The following SLC16A10 variants were observed in gnomAD, a reference collection of about 807,000 sequenced individuals.
The protein encoded by SLC16A10 is monocarboxylate transporter 10.
A neutral mutation model predicts 40.0 loss-of-function variants in SLC16A10; 27 were observed. The observed-to-expected ratio is 0.67, with a 90% confidence interval of 0.50 to 0.93. The LOEUF (loss-of-function observed/expected upper bound fraction) is 0.93. Ranked by LOEUF, SLC16A10 falls within the 40% of genes least tolerant of loss-of-function variation. The pLI, the probability that SLC16A10 is intolerant of heterozygous loss-of-function variation, is 0.00. For synonymous variants in SLC16A10, 213 were observed against 249.8 expected (o/e 0.85, Z 1.39); for missense variants, 529 against 658.2 (o/e 0.80, Z 2.15).
In SLC16A10 at chr6:111,192,748, A is replaced by T. The variant is rs188700671; in HGVS notation, c.943-13844A>T. ...GAGGAGGAGCAAAACCATGTCTTAC[A>T]CGGCAGGAGGCAAGAGTGTGCATGC... is the stretch of plus-strand genomic sequence containing the variant. On this transcript the variant is annotated intron_variant, in intron 3 of 5. Coordinates refer to ENST00000368851, the MANE Select transcript of SLC16A10 (RefSeq NM_018593.5). Among the ~76,000 whole-genome samples, 49 of 152,324 alleles carry T rather than the reference A, an allele frequency of 3.2e-4. 1 individual carries two copies. The highest frequency in any genetic ancestry group is 1.2e-3 in the African/African-American group (48 of 41,584).
chr6:111,207,211 T>C (rs767647763), intron 4 of SLC16A10, among the ~76,000 whole-genome samples: 14 of 152,244 alleles, frequency 9.2e-5, no homozygotes, highest in Non-Finnish European at 1.5e-4. Flanking sequence ...AAATTGGCAA[T>C]GAAACAACAA....
At chr6:111,197,719 CG>C (rs916726801) in intron 3 of SLC16A10, among the ~76,000 whole-genome samples, 7 of 151,858 alleles carry the variant, frequency 4.6e-5, no homozygotes, top group African/African-American at 1.7e-4. Context: ...GGTGAGGTCT[CG>C]GGGAGCTTTT....
At chr6:111,220,445 A>T (rs1355983727) in intron 5 of SLC16A10, among the ~76,000 whole-genome samples, 2 of 152,208 alleles carry the variant, frequency 1.3e-5, no homozygotes, top group African/African-American at 2.4e-5. Flanking sequence ...GATTCAGTAT[A>T]AATATGATAA....
chr6:111,168,334 G>T (rs1297446307), intron 1 of SLC16A10, among the ~76,000 whole-genome samples: 2 of 152,180 alleles, frequency 1.3e-5, no homozygotes, highest in Admixed American at 1.3e-4. Flanking sequence ...TAGTAGCTAT[G>T]TACTTCAGTT....
chr6:111,220,491 C>T (rs981666844), intron 5 of SLC16A10, among the ~76,000 whole-genome samples: 5 of 152,354 alleles, frequency 3.3e-5, no homozygotes, highest in East Asian at 1.9e-4. Flanking sequence ...GTGTTTGGCA[C>T]ATGAGGTGCT....
intron 1 of SLC16A10, among the ~76,000 whole-genome samples, chr6:111,136,372 G>T (rs1180520715): frequency 6.6e-6 from 1 of 152,216 alleles, no homozygotes; most frequent in African/African-American, 2.4e-5. Context: ...ATTGTTTACG[G>T]GTAGTGGCGG....
intron 1 of SLC16A10, among the ~76,000 whole-genome samples, chr6:111,120,894 G>A (rs9386999): frequency 0.025 from 3,764 of 152,062 alleles, 148 homozygotes; most frequent in East Asian, 0.16. Context: ...TAGTACTAAC[G>A]GTATAAACTG....
intron 1 of SLC16A10, among the ~76,000 whole-genome samples, chr6:111,159,916 C>T (rs1047735301): frequency 6.6e-6 from 1 of 152,108 alleles, no homozygotes; most frequent in African/African-American, 2.4e-5. Context: ...GGCATATTTT[C>T]CATTTATATA....
At chr6:111,139,092 C>CTTCTTTTT (rs202229156) in intron 1 of SLC16A10, among the ~76,000 whole-genome samples, 135 of 118,834 alleles carry the variant, frequency 1.1e-3, no homozygotes, top group East Asian at 0.01. Context: ...TCTTCTTCTT[C>CTTCTTTTT]TTTTTTTTTT....
chr6:111,129,404 G>T (rs1771742089), intron 1 of SLC16A10, among the ~76,000 whole-genome samples: 1 of 152,196 alleles, frequency 6.6e-6, no homozygotes, highest in South Asian at 2.1e-4. Flanking sequence ...ATTGAGGTTA[G>T]CACTTCAGTG....
At chr6:111,203,890 G>A (rs909606979) in intron 3 of SLC16A10, among the ~76,000 whole-genome samples, 4 of 151,960 alleles carry the variant, frequency 2.6e-5, no homozygotes, top group Admixed American at 2.0e-4. Context: ...GAGCAGGGGG[G>A]AAATAATAAA....
At chr6:111,108,659 T>G (rs898778257) in intron 1 of SLC16A10, among the ~76,000 whole-genome samples, 1 of 152,244 alleles carries the variant, frequency 6.6e-6, no homozygotes, top group African/African-American at 2.4e-5. Context: ...GCTGTCTGCC[T>G]AGGTACAGTG....
chr6:111,091,500 G>C (rs1770974199), intron 1 of SLC16A10, among the ~76,000 whole-genome samples: 1 of 152,182 alleles, frequency 6.6e-6, no homozygotes, highest in South Asian at 2.1e-4. Flanking sequence ...CTACTTTGTG[G>C]TGAATAAACA....
chr6:111,157,126 C>T (rs1217361798), intron 1 of SLC16A10, among the ~76,000 whole-genome samples: 4 of 152,090 alleles, frequency 2.6e-5, no homozygotes, highest in African/African-American at 9.6e-5. Flanking sequence ...ACCATGTTGG[C>T]CAAGCTGGTC....
intron 3 of SLC16A10, among the ~76,000 whole-genome samples, chr6:111,197,567 T>A (rs1018767199): frequency 6.6e-6 from 1 of 152,224 alleles, no homozygotes; most frequent in African/African-American, 2.4e-5. Context: ...CTTTTCTGTT[T>A]TAAGAAGAAG....
intron 1 of SLC16A10, among the ~76,000 whole-genome samples, chr6:111,166,831 C>G (rs535672421): frequency 5.2e-4 from 79 of 152,300 alleles, no homozygotes; most frequent in African/African-American, 1.7e-3. Flanking sequence ...GAGTAGGAAA[C>G]AAATAGGGTC....
At chr6:111,159,067 C>CA (rs548809670) in intron 1 of SLC16A10, among the ~76,000 whole-genome samples, 1,430 of 23,312 alleles carry the variant, frequency 0.061, 184 homozygotes, top group African/African-American at 0.082. Context: ...GACCCTGACT[C>CA]AAAAAAAAAA....
intron 3 of SLC16A10, among the ~76,000 whole-genome samples, chr6:111,181,095 A>G (rs1341983428): frequency 6.7e-6 from 1 of 148,848 alleles, no homozygotes; most frequent in East Asian, 2.1e-4. Context: ...TGCACCTGTA[A>G]TCTCAGCTAC....
chr6:111,134,262 C>T (rs1403021730), intron 1 of SLC16A10, among the ~76,000 whole-genome samples: 1 of 152,136 alleles, frequency 6.6e-6, no homozygotes, highest in African/African-American at 2.4e-5. Context: ...AGGAAGAAGC[C>T]TATGAATTAT....
Sources: allele counts gnomAD v4.1 joint callset (sites outside exome capture counted in the v4.1 genomes callset), GRCh38; gene constraint gnomAD v4.1.1; transcripts MANE v1.5; gene names NCBI Gene and HGNC (gene_info 2026-07-23, HGNC 2026-07-21).